RASSF3: variants seen among roughly 807,000 people sequenced by gnomAD.
RASSF3 encodes Ras association domain family member 3, also known as ras association domain-containing protein 3.
RASSF3 carries 19 observed loss-of-function variants against 19.9 expected under a neutral mutation model. The ratio of observed to expected loss-of-function variants is 0.96; its 90% CI spans 0.67 to 1.40. RASSF3 has a LOEUF of 1.40. Ranked by LOEUF, RASSF3 falls within the 40% of genes most tolerant of loss-of-function variation. The probability of loss-of-function intolerance (pLI) is 0.00; values close to 1 mark genes in which losing one functional copy is unlikely to be tolerated. For synonymous variants in RASSF3, 110 were observed against 104.2 expected, an observed-to-expected ratio of 1.06 and a Z score of -0.34; for missense variants, 306 against 289.8, an observed-to-expected ratio of 1.06 and a Z score of -0.41.
At chr12:64,636,147 C>G (rs1871323761) in intron 1 of RASSF3, among the ~76,000 whole-genome samples, 1 of 150,956 alleles carries the variant, frequency 6.6e-6, no homozygotes, top group African/African-American at 2.4e-5. Flanking sequence ...TATGGAGTCT[C>G]ACTCTGTTGC....
chr12:64,593,747 A>G (rs950331026), intron 2 of RASSF3, among the ~76,000 whole-genome samples: 5 of 152,046 alleles, frequency 3.3e-5, no homozygotes, highest in African/African-American at 1.2e-4. Flanking sequence ...GCTGAATAGG[A>G]TTGCTCCTTT....
At chr12:64,544,139 C>T (rs1217707791), downstream of RASSF3, among the ~76,000 whole-genome samples, 2 of 152,138 alleles carry the variant, frequency 1.3e-5, no homozygotes, top group African/African-American at 4.8e-5. Flanking sequence ...ACTGCTCACT[C>T]TTTGGGTCAC....
chr12:64,562,347 C>T (rs1439675837), intron 2 of RASSF3, among the ~76,000 whole-genome samples: 4 of 152,014 alleles, frequency 2.6e-5, no homozygotes, highest in South Asian at 2.1e-4. Context: ...GAGTACCCAC[C>T]GCATTTATCT....
intron 2 of RASSF3, among the ~76,000 whole-genome samples, chr12:64,579,505 C>G (rs1052676742): frequency 1.2e-4 from 19 of 152,094 alleles, no homozygotes; most frequent in African/African-American, 4.6e-4. Context: ...TGCCTGCCAA[C>G]ACGCCTGGCT....
At chr12:64,677,614 A>C (rs760385624) in intron 1 of RASSF3, among the ~76,000 whole-genome samples, 12 of 152,168 alleles carry the variant, frequency 7.9e-5, no homozygotes, top group Non-Finnish European at 1.5e-4. Flanking sequence ...TTGGTACTGA[A>C]AGTGAAGAAC....
rs757225093 is a variant in RASSF3, at chr12:64,610,624, A to T, written c.-9A>T. On this transcript the variant is annotated 5_prime_UTR_variant, in exon 1 of 5. Coordinates refer to ENST00000542104, the MANE Select transcript of RASSF3 (RefSeq NM_178169.4). ...GGGGAGGCCGCCCGCGCGCGACGGG[A>T]CCGGCAGCATGAGCAGCGGCTACAG... 4.6e-6 allele frequency: 7 copies of T among 1,524,856 alleles called. No individual in the cohort carries two copies. The highest frequency in any genetic ancestry group is 6.2e-6 in the Non-Finnish European group (7 of 1,135,626). The allele number at this position is 1,524,856 out of a possible 1,614,324, so 94.5% of individuals were successfully genotyped here.
At chr12:64,669,152 ACATTCT>A (rs2136205029) in intron 1 of RASSF3, among the ~76,000 whole-genome samples, 1 of 152,278 alleles carries the variant, frequency 6.6e-6, no homozygotes, top group African/African-American at 2.4e-5. Flanking sequence ...TCCATTCTAA[ACATTCT>A]CATTTCTTCT....
rs1210719381 is a variant in RASSF3 at position 64,689,219 on chromosome 12, G to GT, written c.457+766_457+767insT. ...ACTCACTACATGCGATTTGAAATCG[G>GT]GGTGTGTGTGTGTGTGTGTGTGTGT... On this transcript the variant is annotated intron_variant, in intron 3 of 4. Transcript: ENST00000542104. 2.8e-4 allele frequency among the ~76,000 whole-genome samples: 38 copies of GT among 134,324 alleles called. 1 individual carries two copies. In the South Asian group the frequency reaches 8.1e-3, roughly 29 times the overall value. 88.1% of individuals were successfully genotyped at this position (134,324 alleles called of 152,430 possible).
intron 1 of RASSF3, among the ~76,000 whole-genome samples, chr12:64,618,982 TGA>T (rs1870649178): frequency 6.6e-6 from 1 of 152,344 alleles, no homozygotes; most frequent in Middle Eastern, 3.4e-3. Context: ...AATTACATGT[TGA>T]AATGATAATA....
intron 2 of RASSF3, among the ~76,000 whole-genome samples, chr12:64,591,475 TA>T (rs35494663): frequency 2.0e-4 from 29 of 147,738 alleles, no homozygotes; most frequent in Admixed American, 2.0e-4. Context: ...AGACTCCATC[TA>T]AAAAAAAAAA....
intron 2 of RASSF3, among the ~76,000 whole-genome samples, chr12:64,687,457 T>G (rs1233901381): frequency 6.6e-6 from 1 of 151,788 alleles, no homozygotes; most frequent in Non-Finnish European, 1.5e-5. Flanking sequence ...TGTTTTTTTT[T>G]GTTTTGTTTT....
chr12:64,676,429 A>G (rs1303287793), intron 1 of RASSF3, among the ~76,000 whole-genome samples: 7 of 147,446 alleles, frequency 4.7e-5, no homozygotes, highest in Admixed American at 1.4e-4. Flanking sequence ...TTGGCCTCCC[A>G]AAGTGCTGAG....
chr12:64,696,173 C>G lies in RASSF3; in HGVS notation c.*1261C>G, dbSNP rs890431172. 2.2e-5 allele frequency: 3 copies of G among 135,942 alleles called. No individual in the cohort carries two copies. Among genetic ancestry groups the G allele is most frequent in the Non-Finnish European group, 4.6e-5 (3 of 65,004 alleles). 8.4% of individuals were successfully genotyped at this position (135,942 alleles called of 1,614,324 possible). A position where few individuals can be genotyped will look rare whatever the true frequency, so the allele number is the denominator to read the frequency against. ...TTTCTTTTCTACATTGAAATCTGTT[C>G]TTACATAATAGAGAACAGGGCTATT... is the stretch of plus-strand genomic sequence containing the variant. On this transcript the variant is annotated 3_prime_UTR_variant, in exon 5 of 5. Coordinates refer to ENST00000542104, the MANE Select transcript of RASSF3 (RefSeq NM_178169.4).
chr12:64,649,567 G>A (rs1871865910), intron 1 of RASSF3, among the ~76,000 whole-genome samples: 1 of 152,192 alleles, frequency 6.6e-6, no homozygotes, highest in South Asian at 2.1e-4. Flanking sequence ...GAAGCAGTGA[G>A]GAAAATGGTC....
At chr12:64,606,273 G>A (rs11838139), upstream of RASSF3, among the ~76,000 whole-genome samples, 378 of 152,278 alleles carry the variant, frequency 2.5e-3, 1 homozygote, top group African/African-American at 8.7e-3. Context: ...CCTTACCCCT[G>A]TGAGCTGAGA....
chr12:64,682,889 T>G (rs1873191277), intron 1 of RASSF3, among the ~76,000 whole-genome samples: 1 of 152,234 alleles, frequency 6.6e-6, no homozygotes, highest in South Asian at 2.1e-4. Flanking sequence ...CTCTTTGTGT[T>G]GAATCTGATT....
upstream of RASSF3, among the ~76,000 whole-genome samples, chr12:64,607,621 G>A (rs1467343967): frequency 2.6e-5 from 4 of 151,562 alleles, no homozygotes; most frequent in Admixed American, 2.6e-4. Context: ...GTGATCTGCC[G>A]GCCTCAGCCT....
chr12:64,609,649 T>G (rs1328934504), upstream of RASSF3, among the ~76,000 whole-genome samples: 1 of 152,214 alleles, frequency 6.6e-6, no homozygotes, highest in African/African-American at 2.4e-5. Context: ...TTTTTGTACG[T>G]GGATGGATGG....
At chr12:64,517,663 G>A (rs983074478) in intron 1 of RASSF3, among the ~76,000 whole-genome samples, 1 of 151,610 alleles carries the variant, frequency 6.6e-6, no homozygotes, top group African/African-American at 2.4e-5. Context: ...CTGTCACCCG[G>A]GCTGGGGTAC....
Sources: allele counts gnomAD v4.1 joint callset (sites outside exome capture counted in the v4.1 genomes callset), GRCh38; gene constraint gnomAD v4.1.1; transcripts MANE v1.5; gene names NCBI Gene and HGNC (gene_info 2026-07-23, HGNC 2026-07-21).